The following ARID5B variants were observed in gnomAD, a reference collection of about 807,000 sequenced individuals.
ARID5B encodes AT-rich interaction domain 5B.
A neutral mutation model predicts 97.2 loss-of-function variants in ARID5B; 13 were observed. The observed-to-expected ratio is 0.13, with a 90% confidence interval of 0.09 to 0.21. The LOEUF is 0.21. Ranked by LOEUF, ARID5B falls within the 10% of genes least tolerant of loss-of-function variation. The pLI, the probability that ARID5B is intolerant of heterozygous loss-of-function variation, is 1.00. For synonymous variants in ARID5B, 556 were observed against 570.3 expected, an observed-to-expected ratio of 0.97 and a Z score of 0.36; for missense variants, 1,210 against 1,465.3, an observed-to-expected ratio of 0.83 and a Z score of 2.84.
intron 8 of ARID5B, among the ~76,000 whole-genome samples, chr10:62,082,634 A>G (rs1336423342): frequency 6.6e-6 from 1 of 152,224 alleles, no homozygotes; most frequent in Non-Finnish European, 1.5e-5. Context: ...TCAGCTTTCT[A>G]CATAGGGCAA....
chr10:62,004,917 G>T (rs367836782), intron 4 of ARID5B, among the ~76,000 whole-genome samples: 1 of 152,198 alleles, frequency 6.6e-6, no homozygotes, highest in African/African-American at 2.4e-5. Flanking sequence ...ATATAAATGA[G>T]ATGAAATCAA....
chr10:61,902,100 T>C (rs201063159), intron 1 of ARID5B, 59 bp from the exon 2 acceptor site: 6 of 1,595,902 alleles, frequency 3.8e-6, no homozygotes, highest in East Asian at 2.2e-5. Context: ...TGTCTGGGAA[T>C]AGATGTTTGT....
At chr10:61,969,587 C>G (rs1838596116) in intron 3 of ARID5B, among the ~76,000 whole-genome samples, 1 of 152,136 alleles carries the variant, frequency 6.6e-6, no homozygotes, top group African/African-American at 2.4e-5. Flanking sequence ...ACCAAATCAG[C>G]CTTCTTGACC....
chr10:62,067,669 C>G (rs751721611), intron 7 of ARID5B, among the ~76,000 whole-genome samples: 1 of 152,218 alleles, frequency 6.6e-6, no homozygotes, highest in South Asian at 2.1e-4. Context: ...GTGGAAGCTG[C>G]TTTATGCAGT....
intron 3 of ARID5B, among the ~76,000 whole-genome samples, chr10:61,979,548 T>C (rs1838748233): frequency 6.6e-6 from 1 of 152,078 alleles, no homozygotes; most frequent in Non-Finnish European, 1.5e-5. Flanking sequence ...ATTGGAGGTC[T>C]TTTCTCCAGG....
At chr10:62,077,522 AC>A (rs565181528) in intron 8 of ARID5B, among the ~76,000 whole-genome samples, 37 of 124,340 alleles carry the variant, frequency 3.0e-4, no homozygotes, top group Non-Finnish European at 5.2e-4. Context: ...TCTTTGTTTG[AC>A]CCCCCCCAAA....
At chr10:61,979,662 C>T (rs1807854569) in intron 3 of ARID5B, among the ~76,000 whole-genome samples, 1 of 152,206 alleles carries the variant, frequency 6.6e-6, no homozygotes, top group African/African-American at 2.4e-5. Context: ...CAGGGGTCTA[C>T]CCTCTATCCA....
chr10:61,919,389 C>T (rs1843972122), intron 2 of ARID5B, among the ~76,000 whole-genome samples: 1 of 152,162 alleles, frequency 6.6e-6, no homozygotes, highest in South Asian at 2.1e-4. Context: ...TTTGGGGATG[C>T]TCATGGTAGA....
chr10:62,055,146 A>G (rs1212070747), intron 5 of ARID5B, among the ~76,000 whole-genome samples: 1 of 152,166 alleles, frequency 6.6e-6, no homozygotes, highest in Non-Finnish European at 1.5e-5. Context: ...AGGTTTCGTA[A>G]TGCCTGGTAA....
intron 4 of ARID5B, among the ~76,000 whole-genome samples, chr10:62,048,150 T>C (rs998577851): frequency 3.9e-5 from 6 of 152,230 alleles, no homozygotes; most frequent in Non-Finnish European, 7.3e-5. Flanking sequence ...GTATACCACG[T>C]GTGAGGTTGG....
At chr10:62,086,985 T>C (rs1435535728) in intron 9 of ARID5B, among the ~76,000 whole-genome samples, 2 of 152,080 alleles carry the variant, frequency 1.3e-5, no homozygotes, top group Non-Finnish European at 1.5e-5. Flanking sequence ...GCAACAGCCA[T>C]GGGTTGAGAC....
In ARID5B at chr10:61,984,000, G is replaced by A. The variant is rs1266082107; in HGVS notation, c.503-16091G>A. 8.4e-5 allele frequency among the ~76,000 whole-genome samples: 2 copies of A among 23,818 alleles called. 1 individual carries two copies. Among genetic ancestry groups the A allele is most frequent in the Admixed American group, 5.7e-4 (2 of 3,486 alleles). 15.6% of individuals were successfully genotyped at this position (23,818 alleles called of 152,430 possible). A position where few individuals can be genotyped will look rare whatever the true frequency, so the allele number is the denominator to read the frequency against. ...CTTCCCGGGTTCACGCCATTCTCCT[G>A]CCTCAGCCTCCCGAGTAGCTGGGAC... On this transcript the variant is annotated intron_variant, in intron 3 of 9. Coordinates refer to ENST00000279873, the MANE Select transcript of ARID5B (RefSeq NM_032199.3).
chr10:61,918,568 G>T (rs80190122), intron 2 of ARID5B, among the ~76,000 whole-genome samples: 2,877 of 152,230 alleles, frequency 0.019, 81 homozygotes, highest in African/African-American at 0.066. Flanking sequence ...TGAAAAACAG[G>T]AACTAAGGAA....
intron 3 of ARID5B, among the ~76,000 whole-genome samples, chr10:61,982,929 G>A (rs971157795): frequency 2.0e-5 from 3 of 152,172 alleles, no homozygotes; most frequent in South Asian, 2.1e-4. Flanking sequence ...CTGGCCCTCC[G>A]ATCAGAAAGA....
chr10:62,005,463 A>T (rs1010319393), intron 4 of ARID5B, among the ~76,000 whole-genome samples: 1 of 152,208 alleles, frequency 6.6e-6, no homozygotes, highest in African/African-American at 2.4e-5. Context: ...ATCCAAAATG[A>T]TCTTGTTTTT....
intron 2 of ARID5B, among the ~76,000 whole-genome samples, chr10:61,920,915 AC>A (rs1844003341): frequency 6.6e-6 from 1 of 152,232 alleles, no homozygotes; most frequent in African/African-American, 2.4e-5. Context: ...TGAAAAATAC[AC>A]TCACATTGTT....
At chr10:61,991,247 A>T (rs952820086) in intron 3 of ARID5B, among the ~76,000 whole-genome samples, 1 of 152,320 alleles carries the variant, frequency 6.6e-6, no homozygotes, top group Admixed American at 6.5e-5. Context: ...GCAATTCTGT[A>T]TATAAATTTT....
chr10:61,939,989 C>G (rs1455738604), intron 2 of ARID5B, among the ~76,000 whole-genome samples, 194 bp from the exon 3 acceptor site: 2 of 152,154 alleles, frequency 1.3e-5, no homozygotes, highest in Non-Finnish European at 2.9e-5. Flanking sequence ...TATTCCTTAA[C>G]TAAACAACTA....
chr10:61,943,476 C>CCT lies in ARID5B; in HGVS notation c.502+3069_502+3070insTC, dbSNP rs1554839374. Among the ~76,000 whole-genome samples the CCT allele has an allele frequency of 1.7e-4, 26 of 149,672 alleles. No individual in the cohort carries two copies. In the South Asian group the frequency reaches 5.5e-3, roughly 32 times the overall value. ...AACTGTGAGATTATTTGAGGCCCCC[C>CCT]CCCTTTTTTTCTGGTGGAAGTAAGC... On this transcript the variant is annotated intron_variant, in intron 3 of 9. Coordinates refer to ENST00000279873, the MANE Select transcript of ARID5B (RefSeq NM_032199.3).
Sources: gnomAD v4.1 joint callset for allele counts (sites outside exome capture counted in the v4.1 genomes callset) on GRCh38, gnomAD v4.1.1 for gene constraint, MANE v1.5 for transcripts, NCBI Gene and HGNC (gene_info 2026-07-23, HGNC 2026-07-21) for gene names.